ENTREP2: variants seen among roughly 807,000 people sequenced by gnomAD.
The protein encoded by ENTREP2 is endosomal transmembrane epsin interactor 2, also known as protein ENTREP2.
chr15:29,420,372 G>C, the ENTREP2 span, among the ~76,000 whole-genome samples: 4 of 152,128 alleles, frequency 2.6e-5, no homozygotes, highest in Non-Finnish European at 5.9e-5. Context: ...GGGGAAAGGG[G>C]GTCAGAGAGG....
the ENTREP2 span, among the ~76,000 whole-genome samples, chr15:29,459,791 C>A: frequency 6.6e-6 from 1 of 152,228 alleles, no homozygotes; most frequent in Non-Finnish European, 1.5e-5. Context: ...GGAGGTGACT[C>A]TTCCATTAAC....
the ENTREP2 span, among the ~76,000 whole-genome samples, chr15:29,231,788 T>G: frequency 6.6e-6 from 1 of 151,726 alleles, no homozygotes; most frequent in Admixed American, 6.6e-5. Flanking sequence ...TTGTCAAGAA[T>G]GGAAAACCTT....
chr15:29,348,156 T>C, the ENTREP2 span, among the ~76,000 whole-genome samples: 37 of 152,360 alleles, frequency 2.4e-4, no homozygotes, highest in Non-Finnish European at 4.4e-4. Flanking sequence ...AATGCATTTA[T>C]TGAGTCCAAA....
chr15:29,574,867 T>G, the ENTREP2 span, among the ~76,000 whole-genome samples: 5 of 152,144 alleles, frequency 3.3e-5, no homozygotes, highest in African/African-American at 4.8e-5. Flanking sequence ...GGGGAGAAAC[T>G]CTACTTCTAG....
the ENTREP2 span, chr15:29,196,378 T>A: frequency 6.5e-7 from 1 of 1,538,332 alleles, no homozygotes; most frequent in South Asian, 1.2e-5. Flanking sequence ...TCCTAAACTG[T>A]CTGTAAGGCA....
At chr15:29,148,107 G>C in the ENTREP2 span, among the ~76,000 whole-genome samples, 3 of 152,244 alleles carry the variant, frequency 2.0e-5, no homozygotes, top group South Asian at 6.2e-4. Context: ...CATGGATACA[G>C]AAAGTAGATT....
At chr15:29,328,101 TA>T in the ENTREP2 span, among the ~76,000 whole-genome samples, 2 of 152,146 alleles carry the variant, frequency 1.3e-5, no homozygotes, top group African/African-American at 2.4e-5. Context: ...TATTTGGCCA[TA>T]AAAATAAATG....
At chr15:29,407,299 C>T in the ENTREP2 span, among the ~76,000 whole-genome samples, 1 of 152,134 alleles carries the variant, frequency 6.6e-6, no homozygotes, top group African/African-American at 2.4e-5. Flanking sequence ...ACAGTAAAAA[C>T]ATGGTATTAG....
the ENTREP2 span, among the ~76,000 whole-genome samples, chr15:29,625,690 T>A: frequency 6.6e-6 from 1 of 152,044 alleles, no homozygotes; most frequent in African/African-American, 2.4e-5. Flanking sequence ...CCTCCACACC[T>A]GGTTGTACAT....
the ENTREP2 span, among the ~76,000 whole-genome samples, chr15:29,468,893 A>T: frequency 2.8e-4 from 42 of 152,180 alleles, no homozygotes; most frequent in Non-Finnish European, 4.4e-4. Context: ...CTACAAAAAA[A>T]ATATATTAAT....
At chr15:29,436,134 C>T in the ENTREP2 span, among the ~76,000 whole-genome samples, 6 of 152,132 alleles carry the variant, frequency 3.9e-5, no homozygotes, top group Non-Finnish European at 7.4e-5. Flanking sequence ...GTTCAGATGT[C>T]GGAGATCTTG....
chr15:29,540,343 T>G, the ENTREP2 span, among the ~76,000 whole-genome samples: 1 of 152,208 alleles, frequency 6.6e-6, no homozygotes, highest in African/African-American at 2.4e-5. Context: ...AGAACTTATT[T>G]TTTTCTATCC....
chr15:29,305,108 T>C, the ENTREP2 span, among the ~76,000 whole-genome samples: 1 of 152,242 alleles, frequency 6.6e-6, no homozygotes, highest in Non-Finnish European at 1.5e-5. Context: ...CCCTGATCTA[T>C]CTCAAATCCT....
the ENTREP2 span, among the ~76,000 whole-genome samples, chr15:29,189,572 G>C: frequency 6.6e-6 from 1 of 152,046 alleles, no homozygotes; most frequent in African/African-American, 2.4e-5. Flanking sequence ...AATTAAACCA[G>C]GTACATGAAA....
chr15:29,609,082 G>A, the ENTREP2 span, among the ~76,000 whole-genome samples: 1 of 138,110 alleles, frequency 7.2e-6, no homozygotes, highest in Non-Finnish European at 1.6e-5. Flanking sequence ...TCTTGAGGCT[G>A]TTGGCCATTT....
At chr15:29,562,081 A>C in the ENTREP2 span, among the ~76,000 whole-genome samples, 1 of 152,350 alleles carries the variant, frequency 6.6e-6, no homozygotes. Context: ...CCATGAGGAT[A>C]ATCAGATGGA....
the ENTREP2 span, among the ~76,000 whole-genome samples, chr15:29,246,886 T>C: frequency 2.6e-5 from 4 of 151,342 alleles, no homozygotes; most frequent in East Asian, 1.9e-4. Flanking sequence ...CCAGGCTACA[T>C]GGTTGACTAC....
At chr15:29,321,797 GGAA>G in the ENTREP2 span, among the ~76,000 whole-genome samples, 1 of 152,000 alleles carries the variant, frequency 6.6e-6, no homozygotes, top group East Asian at 1.9e-4. Context: ...CACAGGGAGG[GGAA>G]CAACACACAC....
At chr15:29,397,803 A>G in the ENTREP2 span, among the ~76,000 whole-genome samples, 9 of 152,200 alleles carry the variant, frequency 5.9e-5, no homozygotes, top group Non-Finnish European at 1.3e-4. Context: ...CTGAGCACAG[A>G]GGGAAAAAAG....
Sources: allele counts gnomAD v4.1 joint callset (sites outside exome capture counted in the v4.1 genomes callset), GRCh38; gene constraint gnomAD v4.1.1; transcripts MANE v1.5; gene names NCBI Gene and HGNC (gene_info 2026-07-23, HGNC 2026-07-21).